Variants in LAMA5 observed in about 807,000 individuals in gnomAD.
The protein encoded by LAMA5 is laminin subunit alpha-5.
A neutral mutation model predicts 433.4 loss-of-function variants in LAMA5; 260 were observed. The observed-to-expected ratio is 0.60, with a 90% CI of 0.54 to 0.66. The LOEUF (loss-of-function observed/expected upper bound fraction) is 0.66. LAMA5 is among the 30% of genes least tolerant of loss of function. The pLI, the probability that LAMA5 is intolerant of heterozygous loss-of-function variation, is 0.00. For synonymous variants in LAMA5, 2,620 were observed against 2,226.6 expected, an observed-to-expected ratio of 1.18 and a Z score of -4.97; for missense variants, 5,378 against 5,258.5, an observed-to-expected ratio of 1.02 and a Z score of -0.70.
At chr20:62,316,115 G>A in intron 57 of LAMA5, 57 bp from the exon 58 acceptor site, 1 of 1,216,958 alleles carries the variant, frequency 8.2e-7, no homozygotes, top group South Asian at 1.3e-5. Flanking sequence ...TACAATTGCA[G>A]CCCACCTCCA....
At chr20:62,327,703 G>A (rs1437605162) in intron 36 of LAMA5, 34 bp from the exon 37 acceptor site, 18 of 1,603,252 alleles carry the variant, frequency 1.1e-5, no homozygotes, top group Non-Finnish European at 1.3e-5. Flanking sequence ...GTGGTCGGCA[G>A]GTGCCAGGTG....
At position 62,315,912 on chromosome 20, in the gene LAMA5, G is replaced by A. The variant is rs777123062; in HGVS notation, c.7867+36C>T. Reference sequence around the variant, plus strand: ...GCCACTGTCACAGAGCCTCATGGTCGGCCGGCTGCGAGAGCCGGGCCCAGG... The same window carrying A: ...GCCACTGTCACAGAGCCTCATGGTCAGCCGGCTGCGAGAGCCGGGCCCAGG... On this transcript the variant is annotated intron_variant, in intron 58 of 79. Coordinates refer to ENST00000252999, the MANE Select transcript of LAMA5 (RefSeq NM_005560.6). The A allele has an allele frequency of 6.8e-6, 10 of 1,477,362 alleles. No individual in the cohort carries two copies. The East Asian group carries it at 2.1e-4, about 32-fold the overall frequency. 91.5% of individuals were successfully genotyped at this position (1,477,362 alleles called of 1,614,324 possible).
At chr20:62,347,225 C>T (rs1019181775) in intron 6 of LAMA5, among the ~76,000 whole-genome samples, 197 bp from the exon 7 acceptor site, 5 of 151,714 alleles carry the variant, frequency 3.3e-5, no homozygotes, top group African/African-American at 9.7e-5. Flanking sequence ...GTGGCTCTGA[C>T]GCAACTTCCC....
At chr20:62,329,349 C>A (rs376174924) in intron 32 of LAMA5, 96 bp from the exon 33 acceptor site, 1 of 913,096 alleles carries the variant, frequency 1.1e-6, no homozygotes, top group East Asian at 2.6e-5. Flanking sequence ...GCAGGCAGCT[C>A]AGAGTCCTGG....
chr20:62,347,714 C>T (rs1173960887), intron 6 of LAMA5, among the ~76,000 whole-genome samples: 1 of 152,216 alleles, frequency 6.6e-6, no homozygotes. Flanking sequence ...TCAGTATTAG[C>T]CAGACCACAG....
intron 53 of LAMA5, 59 bp downstream of exon 53, chr20:62,318,395 G>A: frequency 4.4e-6 from 6 of 1,360,172 alleles, no homozygotes; most frequent in Admixed American, 1.7e-5. Flanking sequence ...GAGAGGAGAG[G>A]GATTGCAGGG....
rs769678733 is a variant in LAMA5, at chr20:62,337,730, G to C, written c.2027-3C>G. ...GCCTTCAGCAGAGCAGTGGCAGGCT[G>C]CAGACAAGGATAGCTGTGGGCACGC... On this transcript the variant is annotated splice_region_variant and splice_polypyrimidine_tract_variant and intron_variant, in intron 15 of 79. Transcript: ENST00000252999. 6.2e-7 allele frequency: 1 copy of C among 1,608,436 alleles called. No individual in the cohort carries two copies. The highest frequency in any genetic ancestry group is 1.3e-5 in the African/African-American group (1 of 75,026).
intron 32 of LAMA5, 22 bp downstream of exon 32, chr20:62,329,755 C>G: frequency 6.2e-7 from 1 of 1,611,364 alleles, no homozygotes; most frequent in South Asian, 1.1e-5. Flanking sequence ...GGTCCCTGAG[C>G]AGGACATCAG....
At chr20:62,336,812 T>A in intron 16 of LAMA5, 26 bp from the exon 17 acceptor site, 1 of 1,610,522 alleles carries the variant, frequency 6.2e-7, no homozygotes, top group African/African-American at 1.3e-5. Flanking sequence ...CATGCCTCGG[T>A]CATTTCCCAG....
chr20:62,328,800 C>T (rs1979788887), intron 34 of LAMA5, 44 bp downstream of exon 34: 3 of 1,582,498 alleles, frequency 1.9e-6, no homozygotes, highest in Admixed American at 1.7e-5. Flanking sequence ...TGGGCTCTGG[C>T]ACCAACTCCC....
At position 62,332,722 on chromosome 20, in the gene LAMA5, A is replaced by AG; in HGVS notation, c.3283-6dup. The AG allele has an allele frequency of 2.5e-6, 4 of 1,609,644 alleles. No homozygotes were observed. Among genetic ancestry groups the AG allele is most frequent in the Non-Finnish European group, 3.4e-6 (4 of 1,178,732 alleles). On this transcript the variant is annotated splice_polypyrimidine_tract_variant and splice_region_variant and intron_variant, in intron 26 of 79. Coordinates refer to ENST00000252999, the MANE Select transcript of LAMA5 (RefSeq NM_005560.6). Reference sequence around the variant, plus strand: ...CACTTGAAGCTGGACGTCCACCTGCAGGGAAGGCAGGGTGACGGGAGGCCC... The same window carrying AG: ...CACTTGAAGCTGGACGTCCACCTGCAGGGGAAGGCAGGGTGACGGGAGGCCC...
At chr20:62,344,434 G>A (rs894138434) in intron 11 of LAMA5, among the ~76,000 whole-genome samples, 3 of 152,080 alleles carry the variant, frequency 2.0e-5, no homozygotes, top group Admixed American at 2.0e-4. Context: ...CTCTGTGGCT[G>A]TGACTGTATG....
chr20:62,364,690 C>T (rs916978511), intron 1 of LAMA5, among the ~76,000 whole-genome samples: 3 of 152,230 alleles, frequency 2.0e-5, no homozygotes, highest in Admixed American at 2.0e-4. Context: ...GCCAGGGATC[C>T]CCTGATGCCC....
rs1028115672 is a variant in LAMA5 at position 62,309,158 on chromosome 20, T to A, written c.*178A>T. 2.9e-6 allele frequency: 2 copies of A among 683,380 alleles called. No homozygotes were observed. The highest frequency in any genetic ancestry group is 4.6e-6 in the Non-Finnish European group (2 of 434,146). The allele number at this position is 683,380 out of a possible 1,614,324, so 42.3% of individuals were successfully genotyped here. The stretch of plus-strand genomic sequence containing the variant: ...TAAAAATGGGTGGAAGGGCCAAATA[T>A]AAAAACATTTTGCAGTATTTTATTC... On this transcript the variant is annotated 3_prime_UTR_variant, in exon 80 of 80. Transcript: ENST00000252999.
chr20:62,354,407 G>A (rs1376432149), intron 2 of LAMA5, among the ~76,000 whole-genome samples: 2 of 105,136 alleles, frequency 1.9e-5, no homozygotes, highest in African/African-American at 6.6e-5. Flanking sequence ...AGCCTCTCCT[G>A]CCCCCAGCAG....
chr20:62,327,080 T>A (rs559896881), intron 38 of LAMA5, 114 bp from the exon 39 acceptor site: 1 of 1,094,942 alleles, frequency 9.1e-7, no homozygotes, highest in African/African-American at 1.6e-5. Flanking sequence ...CCTGGATACT[T>A]GCGCTCATTC....
rs1979793743 is a variant in LAMA5 at position 62,328,828 on chromosome 20, G to A, written c.4447+16C>T. 1.2e-6 allele frequency: 2 copies of A among 1,608,350 alleles called. No individual in the cohort carries two copies. Among genetic ancestry groups the A allele is most frequent in the South Asian group, 2.2e-5 (2 of 90,478 alleles). Reference sequence around the variant, plus strand: ...CAACTCCCTGCCACTGGGCGCCCAAGGACTGGGGTACTCACGCCTGCAGTT... The same window carrying A: ...CAACTCCCTGCCACTGGGCGCCCAAAGACTGGGGTACTCACGCCTGCAGTT... On this transcript the variant is annotated intron_variant, in intron 34 of 79. Transcript: ENST00000252999.
At position 62,333,493 on chromosome 20, in the gene LAMA5, AG is replaced by A. The variant is rs1241452628; in HGVS notation, c.3022-13del. ...AGAACCACGTAGTCCTGCAGGGTGG[AG>A]GTGGTGCTGAGAGTGGTGGGCCCCA... On this transcript the variant is annotated splice_polypyrimidine_tract_variant and intron_variant, in intron 24 of 79. Transcript: ENST00000252999. 1 of 1,607,940 alleles carries A rather than the reference AG, an allele frequency of 6.2e-7. No homozygotes were observed. Among genetic ancestry groups the A allele is most frequent in the Non-Finnish European group, 8.5e-7 (1 of 1,177,924 alleles).
chr20:62,319,496 T>TG (rs1278967411), intron 51 of LAMA5, among the ~76,000 whole-genome samples, 188 bp downstream of exon 51: 1 of 152,148 alleles, frequency 6.6e-6, no homozygotes, highest in African/African-American at 2.4e-5. Context: ...CGGGGCCACC[T>TG]GTCTGGCCAC....
Sources: gnomAD v4.1 joint callset for allele counts (sites outside exome capture counted in the v4.1 genomes callset) on GRCh38, gnomAD v4.1.1 for gene constraint, MANE v1.5 for transcripts, NCBI Gene and HGNC (gene_info 2026-07-23, HGNC 2026-07-21) for gene names.